The following WWOX variants were observed in gnomAD, a reference collection of about 807,000 sequenced individuals.
WWOX encodes WW domain-containing oxidoreductase.
Under a neutral mutation model 46.2 loss-of-function variants are expected in WWOX, and 69 were observed. The ratio of observed to expected loss-of-function variants is 1.49; its 90% confidence interval spans 1.23 to 1.82. The LOEUF is 1.82. WWOX is among the 40% of genes most tolerant of loss of function. The pLI is 0.00. For synonymous variants in WWOX, 359 were observed against 202.6 expected (o/e 1.77, Z -6.56); for missense variants, 919 against 542.6 (o/e 1.69, Z -6.89).
At chr16:78,726,464 C>T (rs2048839500) in intron 8 of WWOX, among the ~76,000 whole-genome samples, 1 of 151,964 alleles carries the variant, frequency 6.6e-6, no homozygotes, top group African/African-American at 2.4e-5. Flanking sequence ...AAGCTCCTGG[C>T]CTCAAGGGAT....
intron 8 of WWOX, among the ~76,000 whole-genome samples, chr16:79,040,963 C>T (rs75098975): frequency 0.073 from 11,065 of 151,974 alleles, 526 homozygotes; most frequent in African/African-American, 0.14. Flanking sequence ...TGTGGGGGGA[C>T]AATGAGGTGG....
chr16:78,818,229 G>A (rs1163522803), intron 8 of WWOX, among the ~76,000 whole-genome samples: 1 of 152,204 alleles, frequency 6.6e-6, no homozygotes, highest in Non-Finnish European at 1.5e-5. Context: ...AAGGCTACAG[G>A]TTACCCTGGA....
At chr16:79,118,635 T>A (rs1197597779) in intron 8 of WWOX, among the ~76,000 whole-genome samples, 1 of 152,198 alleles carries the variant, frequency 6.6e-6, no homozygotes, top group Admixed American at 6.5e-5. Flanking sequence ...CAGTGAAGAA[T>A]ATCTTAAAAA....
intron 4 of WWOX, among the ~76,000 whole-genome samples, chr16:78,134,860 A>G (rs188376047): frequency 1.9e-4 from 29 of 152,306 alleles, no homozygotes; most frequent in African/African-American, 6.7e-4. Context: ...TATTGGTAAT[A>G]TTGTCATATG....
intron 8 of WWOX, among the ~76,000 whole-genome samples, chr16:78,952,365 TTG>T (rs2151303377): frequency 6.7e-6 from 1 of 150,086 alleles, no homozygotes; most frequent in African/African-American, 2.5e-5. Context: ...TTTTACATTT[TTG>T]TTTTTTTGTT....
intron 8 of WWOX, among the ~76,000 whole-genome samples, chr16:78,848,319 A>G (rs7501409): frequency 0.72 from 108,748 of 152,010 alleles, 39,339 homozygotes; most frequent in Middle Eastern, 0.78. Context: ...TTCAAGTCAT[A>G]TTTGCCCCCA....
At chr16:78,468,868 G>A (rs2667548) in intron 8 of WWOX, among the ~76,000 whole-genome samples, 59,010 of 151,974 alleles carry the variant, frequency 0.39, 14,216 homozygotes, top group African/African-American at 0.69. Flanking sequence ...TCTTTCTTTG[G>A]GGGAAGCTAA....
At chr16:78,590,819 T>C (rs533245840) in intron 8 of WWOX, among the ~76,000 whole-genome samples, 2 of 152,252 alleles carry the variant, frequency 1.3e-5, no homozygotes, top group East Asian at 3.9e-4. Context: ...AAGCCTCAAA[T>C]GGGAGGTGTG....
At chr16:78,688,375 A>G (rs2047909495) in intron 8 of WWOX, among the ~76,000 whole-genome samples, 1 of 151,922 alleles carries the variant, frequency 6.6e-6, no homozygotes, top group Admixed American at 6.6e-5. Context: ...ACTTTAAAAA[A>G]AAAAAAAAAG....
intron 8 of WWOX, among the ~76,000 whole-genome samples, chr16:78,807,172 G>C (rs970895632): frequency 2.0e-5 from 3 of 152,190 alleles, no homozygotes; most frequent in African/African-American, 7.2e-5. Flanking sequence ...TAGGTTTCTT[G>C]TGTCCTAATC....
intron 5 of WWOX, among the ~76,000 whole-genome samples, chr16:78,255,611 A>G (rs1179786505): frequency 6.6e-6 from 1 of 152,174 alleles, no homozygotes; most frequent in Non-Finnish European, 1.5e-5. Flanking sequence ...AAAGAAGGGC[A>G]TCTTCTTCCT....
intron 8 of WWOX, among the ~76,000 whole-genome samples, chr16:78,917,927 C>G (rs79146686): frequency 2.0e-5 from 3 of 152,098 alleles, no homozygotes; most frequent in African/African-American, 7.2e-5. Context: ...ATAGGCTGGG[C>G]GTGGTGGCTC....
chr16:78,151,597 G>A (rs970218997), intron 4 of WWOX, among the ~76,000 whole-genome samples: 1 of 152,138 alleles, frequency 6.6e-6, no homozygotes, highest in African/African-American at 2.4e-5. Flanking sequence ...ACCTTGTTTG[G>A]AATAGGAATA....
intron 7 of WWOX, among the ~76,000 whole-genome samples, chr16:78,431,211 A>T (rs955351073): frequency 3.3e-5 from 5 of 152,250 alleles, no homozygotes; most frequent in Non-Finnish European, 5.9e-5. Flanking sequence ...ATAAAGCATC[A>T]ACTAGTTACG....
chr16:78,592,288 T>G (rs2045370049), intron 8 of WWOX, among the ~76,000 whole-genome samples: 1 of 152,228 alleles, frequency 6.6e-6, no homozygotes, highest in African/African-American at 2.4e-5. Context: ...AGGACATATG[T>G]GTCTTCTGCC....
intron 8 of WWOX, among the ~76,000 whole-genome samples, chr16:78,761,405 G>A (rs949250314): frequency 6.6e-6 from 1 of 152,038 alleles, no homozygotes; most frequent in Non-Finnish European, 1.5e-5. Flanking sequence ...ATTTAGTTTT[G>A]TTTACCTGTT....
intron 8 of WWOX, among the ~76,000 whole-genome samples, chr16:78,933,916 G>T (rs1036389143): frequency 6.6e-6 from 1 of 152,122 alleles, no homozygotes; most frequent in African/African-American, 2.4e-5. Context: ...CTATAGCTGG[G>T]TGAAGTGGCT....
intron 5 of WWOX, among the ~76,000 whole-genome samples, chr16:78,368,444 T>C (rs2081590827): frequency 6.6e-6 from 1 of 152,170 alleles, no homozygotes; most frequent in African/African-American, 2.4e-5. Flanking sequence ...GTTTTCCTGA[T>C]GTACCAAATG....
chr16:78,690,545 C>T (rs1044404216), intron 8 of WWOX, among the ~76,000 whole-genome samples: 3 of 151,948 alleles, frequency 2.0e-5, no homozygotes, highest in Non-Finnish European at 4.4e-5. Context: ...GAATGAGACC[C>T]TGTCTGAAAA....
Sources: allele counts gnomAD v4.1 joint callset (sites outside exome capture counted in the v4.1 genomes callset), GRCh38; gene constraint gnomAD v4.1.1; transcripts MANE v1.5; gene names NCBI Gene and HGNC (gene_info 2026-07-23, HGNC 2026-07-21).